The following AOPEP variants were observed in gnomAD, a reference collection of about 807,000 sequenced individuals.
AOPEP encodes the protein aminopeptidase O.
In AOPEP, 77 loss-of-function variants were observed where a neutral mutation model predicts 98.1. That is an observed-to-expected ratio of 0.78 (90% CI 0.65 to 0.95). The LOEUF (loss-of-function observed/expected upper bound fraction) is 0.95, where lower values mean the gene tolerates loss of function less well. AOPEP is among the 40% of genes least tolerant of loss of function. AOPEP has a pLI of 0.00. For missense variants in AOPEP, 1,024 were observed against 1,024.7 expected (o/e 1.00, Z 0.01); for synonymous variants, 346 against 365.3 (o/e 0.95, Z 0.60).
intron 11 of AOPEP, among the ~76,000 whole-genome samples, chr9:94,986,372 G>A (rs1159416664): frequency 1.3e-5 from 2 of 152,196 alleles, no homozygotes; most frequent in Non-Finnish European, 2.9e-5. Context: ...TTGTACTGGG[G>A]TTTAGGAATT....
chr9:95,077,413 C>CG (rs1484243550), intron 14 of AOPEP, among the ~76,000 whole-genome samples: 2 of 152,180 alleles, frequency 1.3e-5, no homozygotes, highest in African/African-American at 2.4e-5. Flanking sequence ...CAGGATGCTG[C>CG]GGGGTGGCTG....
At chr9:95,073,304 G>T (rs535441168) in intron 14 of AOPEP, among the ~76,000 whole-genome samples, 2 of 152,192 alleles carry the variant, frequency 1.3e-5, no homozygotes, top group African/African-American at 4.8e-5. Context: ...AGTGGGGCCT[G>T]GTTAGAGCAG....
At chr9:95,051,075 G>A (rs2133788117) in intron 13 of AOPEP, among the ~76,000 whole-genome samples, 1 of 135,448 alleles carries the variant, frequency 7.4e-6, no homozygotes. Context: ...TCTCTAAAAT[G>A]TTTTTGTGGC....
At chr9:94,859,361 A>C in intron 5 of AOPEP, among the ~76,000 whole-genome samples, 1 of 152,210 alleles carries the variant, frequency 6.6e-6, no homozygotes, top group East Asian at 1.9e-4. Context: ...CTCTGTCGGC[A>C]CTGTCTTCAC....
At chr9:94,978,965 A>G (rs1283854331) in intron 10 of AOPEP, among the ~76,000 whole-genome samples, 1 of 152,126 alleles carries the variant, frequency 6.6e-6, no homozygotes, top group African/African-American at 2.4e-5. Flanking sequence ...TATAAAGTGC[A>G]GATTTCGTGT....
chr9:94,959,264 T>C (rs111534408), intron 9 of AOPEP, among the ~76,000 whole-genome samples: 4,357 of 152,164 alleles, frequency 0.029, 237 homozygotes, highest in African/African-American at 0.1. Flanking sequence ...AGGATGGTCT[T>C]GATCTCCTGA....
rs767223730 is a variant in AOPEP at position 95,086,120 on chromosome 9, G to A, written c.*5-562G>A. The A allele has an allele frequency of 3.7e-6, 5 of 1,364,374 alleles. No individual in the cohort carries two copies. In the African/African-American group the frequency reaches 4.4e-5, roughly 12 times the overall value. The allele number at this position is 1,364,374 out of a possible 1,614,324, so 84.5% of individuals were successfully genotyped here. A position where few individuals can be genotyped will look rare whatever the true frequency, so the allele number is the denominator to read the frequency against. ...CCTTGAGCAAAAAGCCTTCGTGTCT[G>A]TAAGTGCCCGAGGCTCAGGAGAGCT... On this transcript the variant is annotated intron_variant, in intron 16 of 16. Transcript: ENST00000375315.
chr9:95,139,332 G>C, the AOPEP span, among the ~76,000 whole-genome samples: 1 of 152,188 alleles, frequency 6.6e-6, no homozygotes. Flanking sequence ...CTCACAGGCA[G>C]GCAGGCACTG....
intron 5 of AOPEP, among the ~76,000 whole-genome samples, chr9:94,901,151 G>A (rs1000172083): frequency 5.3e-5 from 8 of 152,164 alleles, no homozygotes; most frequent in African/African-American, 1.9e-4. Context: ...ATGTGTTACT[G>A]TCAATAAGCA....
At chr9:95,031,252 C>G (rs2064272172) in intron 13 of AOPEP, among the ~76,000 whole-genome samples, 1 of 152,162 alleles carries the variant, frequency 6.6e-6, no homozygotes, top group Non-Finnish European at 1.5e-5. Context: ...CTGCATTTAC[C>G]AGTATGTATT....
chr9:95,041,827 C>T (rs916996627), intron 13 of AOPEP, among the ~76,000 whole-genome samples: 2 of 152,108 alleles, frequency 1.3e-5, no homozygotes, highest in African/African-American at 4.8e-5. Flanking sequence ...GAACCGGACC[C>T]AGAAGGCCCG....
chr9:94,910,305 G>T (rs964157125), intron 5 of AOPEP, among the ~76,000 whole-genome samples: 1 of 152,150 alleles, frequency 6.6e-6, no homozygotes, highest in African/African-American at 2.4e-5. Context: ...CTTACCCTGG[G>T]CCCTGCACTC....
the AOPEP span, among the ~76,000 whole-genome samples, chr9:95,145,032 C>A: frequency 6.6e-6 from 1 of 152,210 alleles, no homozygotes; most frequent in Admixed American, 6.5e-5. Flanking sequence ...GACCATTTTT[C>A]GAATCAAGTG....
At chr9:94,801,048 T>C (rs1848111009) in intron 5 of AOPEP, 46 bp downstream of exon 5, 1 of 1,604,614 alleles carries the variant, frequency 6.2e-7, no homozygotes, top group Admixed American at 1.7e-5. Flanking sequence ...ATTTTGGAAA[T>C]TCTTTGACTA....
intron 13 of AOPEP, among the ~76,000 whole-genome samples, chr9:95,057,400 C>T (rs1436458799): frequency 1.3e-5 from 2 of 152,252 alleles, no homozygotes; most frequent in East Asian, 1.9e-4. Flanking sequence ...GTGCCCGCCC[C>T]GGGCTCCTCG....
intron 5 of AOPEP, among the ~76,000 whole-genome samples, chr9:94,891,921 C>T (rs558077042): frequency 1.2e-4 from 18 of 152,188 alleles, no homozygotes; most frequent in Admixed American, 2.0e-4. Flanking sequence ...TCTCTTAATC[C>T]TTTATCTTAG....
chr9:95,040,331 A>G (rs1239585636), intron 13 of AOPEP, among the ~76,000 whole-genome samples: 1 of 152,224 alleles, frequency 6.6e-6, no homozygotes, highest in Non-Finnish European at 1.5e-5. Flanking sequence ...TTATATTGCT[A>G]TCAGGAATGG....
chr9:94,969,837 T>C (rs1214932255), intron 10 of AOPEP, among the ~76,000 whole-genome samples: 1 of 152,242 alleles, frequency 6.6e-6, no homozygotes, highest in Non-Finnish European at 1.5e-5. Context: ...TATGTTTTTA[T>C]GCATGGAACA....
intron 5 of AOPEP, among the ~76,000 whole-genome samples, chr9:94,838,529 C>T (rs1564229407): frequency 1.3e-5 from 2 of 152,140 alleles, no homozygotes; most frequent in Non-Finnish European, 2.9e-5. Flanking sequence ...GATTTGATTC[C>T]TCCAACTTTA....
Sources: allele counts gnomAD v4.1 joint callset (sites outside exome capture counted in the v4.1 genomes callset), GRCh38; gene constraint gnomAD v4.1.1; transcripts MANE v1.5; gene names NCBI Gene and HGNC (gene_info 2026-07-23, HGNC 2026-07-21).